KRT2: variants seen among roughly 807,000 people sequenced by gnomAD.
KRT2 encodes the protein keratin 2.
A neutral mutation model predicts 48.5 loss-of-function variants in KRT2; 37 were observed. The observed-to-expected ratio is 0.76, with a 90% CI of 0.59 to 1.00. KRT2 has a LOEUF of 1.00. Among genes scored for constraint, KRT2 ranks in the 50% least tolerant of loss-of-function variants. The pLI is 0.00. For missense variants in KRT2, 880 were observed against 815.2 expected, an observed-to-expected ratio of 1.08 and a Z score of -0.97; for synonymous variants, 324 against 312.2, an observed-to-expected ratio of 1.04 and a Z score of -0.40.
chr12:52,645,536 C>A lies in KRT2; in HGVS notation c.1503G>T (p.Val501=). The A allele has an allele frequency of 6.2e-7, 1 of 1,614,222 alleles. No individual in the cohort carries two copies. Among genetic ancestry groups the A allele is most frequent in the Non-Finnish European group, 8.5e-7 (1 of 1,180,034 alleles). Residue 501 remains valine, a splice_region_variant and synonymous_variant, in exon 8 of 9, where the codon GTG becomes GTT. Coordinates refer to ENST00000309680, the MANE Select transcript of KRT2 (RefSeq NM_000423.3). Reference sequence around the variant, plus strand: ...ACAGGACCACACCCCATTACTTACACACAGTCACATTGCTGCTGAGGTCTC... The same window carrying A: ...ACAGGACCACACCCCATTACTTACAAACAGTCACATTGCTGCTGAGGTCTC... ...MSGDLSSNVT[V]SVTSSTISSN... is the part of the protein sequence containing the mutation.
intron 4 of KRT2, among the ~76,000 whole-genome samples, chr12:52,648,638 A>G (rs1231788600): frequency 6.6e-6 from 1 of 152,138 alleles, no homozygotes; most frequent in Admixed American, 6.5e-5. Flanking sequence ...CCTGTTTCAG[A>G]AATCATCTGT....
rs1431961830 is a variant in KRT2, at chr12:52,647,829, C to T, written c.1149G>A (p.Gly383=). 6 of 1,614,052 alleles carry T rather than the reference C, an allele frequency of 3.7e-6. No individual in the cohort carries two copies. In the East Asian group the frequency reaches 1.1e-4, roughly 30 times the overall value. Residue 383 remains glycine (G), a synonymous_variant, in exon 6 of 9, where the codon GGG becomes GGA. Transcript: ENST00000309680. ...TCTCTTTCAGGCTGTCTCCATGTCT[C>T]CCGACAGTCACCTGGAGCTCCTCAT... is the stretch of plus-strand genomic sequence containing the variant. The part of the protein sequence containing the change: ...SKYEELQVTV[G]RHGDSLKEIK...
Position 52,648,257 on chromosome 12 carries a change from A to C in KRT2, c.1038T>G (p.Asp346Glu), listed in dbSNP as rs756544221. 1.9e-6 allele frequency: 3 copies of C among 1,613,916 alleles called. No individual in the cohort carries two copies. Among genetic ancestry groups the C allele is most frequent in the Non-Finnish European group, 2.5e-6 (3 of 1,179,972 alleles). The change falls in exon 5 of 9, where the codon GAT becomes GAG. Residue 346 changes from aspartate (D) to glutamate (E), a missense_variant. Coordinates refer to ENST00000309680, the MANE Select transcript of KRT2 (RefSeq NM_000423.3). ...GGGCCTTGACCTCGGCGATGATGCT[A>C]TCCAAGTCCAGGTTGCGGCTGTTGT... ...SMDNSRNLDL[D>E]SIIAEVKAQY...
At chr12:52,650,083 C>A in intron 2 of KRT2, 109 bp from the exon 3 acceptor site, 1 of 863,584 alleles carries the variant, frequency 1.2e-6, no homozygotes, top group Admixed American at 1.8e-5. Context: ...GAATATTACA[C>A]ACTTTTTAAA....
intron 4 of KRT2, 85 bp downstream of exon 4, chr12:52,648,922 C>T (rs1165034351): frequency 1.1e-6 from 1 of 900,568 alleles, no homozygotes; most frequent in African/African-American, 1.6e-5. Context: ...AACCCCACTT[C>T]TGCCACTTTT....
At position 52,646,967 on chromosome 12, in the gene KRT2, C is replaced by A. The variant is rs2232556; in HGVS notation, c.1249-7G>T. The stretch of plus-strand genomic sequence containing the variant: ...CATCTTGCACATTCTTACACTATGA[C>A]AGAAGGACAGAGAATGGATTCTGCC... On this transcript the variant is annotated splice_region_variant and splice_polypyrimidine_tract_variant and intron_variant, in intron 6 of 8. Transcript: ENST00000309680. 1,361 of 1,612,632 alleles carry A rather than the reference C, an allele frequency of 8.4e-4. 16 individuals carry two copies. The African/African-American group carries it at 0.016, about 19-fold the overall frequency.
chr12:52,650,330 G>T lies in KRT2; in HGVS notation c.800+9C>A. ...TTATCTCCACTCAGCGTTTCACTCT[G>T]CCACCTACTTCTTCTTATAATCCTC... On this transcript the variant is annotated intron_variant, in intron 2 of 8. Coordinates refer to ENST00000309680, the MANE Select transcript of KRT2 (RefSeq NM_000423.3). 1 of 1,609,738 alleles carries T rather than the reference G, an allele frequency of 6.2e-7. No individual in the cohort carries two copies. Among genetic ancestry groups the T allele is most frequent in the Non-Finnish European group, 8.5e-7 (1 of 1,176,088 alleles).
At chr12:52,650,641 C>G in intron 1 of KRT2, 88 bp from the exon 2 acceptor site, 1 of 1,051,286 alleles carries the variant, frequency 9.5e-7, no homozygotes, top group Non-Finnish European at 1.5e-6. Context: ...TCAGGTGCTG[C>G]TTCAGGACCT....
rs201344610 is a variant in KRT2 at position 52,650,550 on chromosome 12, G to A, written c.589C>T (p.Arg197Trp). The part of the protein sequence containing the change: ...NKFASFIDKV[R>W]FLEQQNQVLQ... Reference sequence around the variant, plus strand: ...ACCTGGTTCTGCTGCTCCAAGAACCGCACCTGCCATGACCAGAAGGAGAGC... The same window carrying A: ...ACCTGGTTCTGCTGCTCCAAGAACCACACCTGCCATGACCAGAAGGAGAGC... Residue 197 changes from arginine (R) to tryptophan (W), a missense_variant, in exon 2 of 9, where the codon CGG becomes TGG. Arg to Trp is a moderately radical substitution (Grantham distance 101). Transcript: ENST00000309680. 2.5e-5 allele frequency: 40 copies of A among 1,607,896 alleles called. No homozygotes were observed. Among genetic ancestry groups the A allele is most frequent in the Admixed American group, 8.4e-5 (5 of 59,684 alleles).
rs1351832130 is a variant in KRT2 at position 52,644,878 on chromosome 12, A to G, written c.*141T>C. On this transcript the variant is annotated 3_prime_UTR_variant, in exon 9 of 9. Coordinates refer to ENST00000309680, the MANE Select transcript of KRT2 (RefSeq NM_000423.3). ...AAGATCTTTCAAAAACTGTATGTGG[A>G]CATTCTTTTCCCTCAAAGTGCCATC... 1.4e-5 allele frequency: 12 copies of G among 837,408 alleles called. No homozygotes were observed. The highest frequency in any genetic ancestry group is 5.7e-6 in the Non-Finnish European group (3 of 521,772). 51.9% of individuals were successfully genotyped at this position (837,408 alleles called of 1,614,324 possible).
rs779146783 is a variant in KRT2, at chr12:52,647,781, C to A, written c.1197G>T (p.Leu399=). 1 of 1,614,076 alleles carries A rather than the reference C, an allele frequency of 6.2e-7. No individual in the cohort carries two copies. The highest frequency in any genetic ancestry group is 1.1e-5 in the South Asian group (1 of 91,022). The change falls in exon 6 of 9, where the codon CTG becomes CTT. Residue 399 remains leucine, a synonymous_variant. Coordinates refer to ENST00000309680, the MANE Select transcript of KRT2 (RefSeq NM_000423.3). ...CCTGCAGCCTCTGGATCACGCGGTT[C>A]AGCTCGCTGATCTCTATCTTGATCT... ...LKEIKIEISE[L]NRVIQRLQGE... is the part of the protein sequence containing the mutation.
In KRT2 at chr12:52,645,410, G is replaced by A; in HGVS notation, c.1529C>T (p.Ser510Leu). The change falls in exon 9 of 9, where the codon TCA (serine) becomes TTA (leucine). Residue 510 changes from serine (S) to leucine (L), a missense_variant. By Grantham distance (145) the Ser-to-Leu change is moderately radical (BLOSUM62 -2). Transcript: ENST00000309680. ...AAAGGCAGCCTTGGATGCCACATTT[G>A]ATGAAATGGTGCTGCTTGTCACAGC... is the stretch of plus-strand genomic sequence containing the variant. ...TVSVTSSTIS[S>L]NVASKAAFGG... is the part of the protein sequence containing the mutation. The A allele has an allele frequency of 6.2e-7, 1 of 1,614,210 alleles. No individual in the cohort carries two copies. Among genetic ancestry groups the A allele is most frequent in the Non-Finnish European group, 8.5e-7 (1 of 1,180,052 alleles).
intron 7 of KRT2, 51 bp from the exon 8 acceptor site, chr12:52,645,620 A>G (rs1941152963): frequency 6.3e-7 from 1 of 1,591,980 alleles, no homozygotes; most frequent in African/African-American, 1.3e-5. Context: ...TAGGTTCTGT[A>G]TGCATGTTGT....
At position 52,645,567 on chromosome 12, in the gene KRT2, A is replaced by ATCC; in HGVS notation, c.1470-1_1471dup (p.Arg490dup). On this transcript the variant is annotated inframe_insertion and splice_region_variant, in exon 8 of 9. Transcript: ENST00000309680. Reference sequence around the variant, plus strand: ...CACATTGCTGCTGAGGTCTCCAGACATCCTGTAAGGGAGAGAGAAAAAACA... The same window carrying ATCC: ...CACATTGCTGCTGAGGTCTCCAGACATCCTCCTGTAAGGGAGAGAGAAAAAACA... The ATCC allele has an allele frequency of 6.2e-7, 1 of 1,614,182 alleles. No individual in the cohort carries two copies. The highest frequency in any genetic ancestry group is 8.5e-7 in the Non-Finnish European group (1 of 1,180,000).
chr12:52,650,101 A>G, intron 2 of KRT2, 127 bp from the exon 3 acceptor site: 6 of 805,948 alleles, frequency 7.4e-6, no homozygotes, highest in East Asian at 2.6e-5. Context: ...AAATATCTAA[A>G]TTGAAACTAA....
Position 52,648,337 on chromosome 12 carries a change from C to A in KRT2, c.958G>T (p.Glu320Ter), listed in dbSNP as rs1299069357. 9.3e-6 allele frequency: 15 copies of A among 1,613,918 alleles called. No individual in the cohort carries two copies. Among genetic ancestry groups the A allele is most frequent in the Non-Finnish European group, 1.3e-5 (15 of 1,179,816 alleles). ...IEFLKVLYDA[E>*]ISQIHQSVTD... ...ACACTCTGATGTATCTGGGATATCT[C>A]CTACAACACACAGGAAGGTCTGGTC... The change falls in exon 5 of 9, where the codon GAG (glutamate) becomes TAG (stop). Residue 320 changes from glutamate (E) to a stop codon, truncating the protein, a stop_gained and splice_region_variant. Transcript: ENST00000309680. LOFTEE classifies it high-confidence loss of function.
intron 7 of KRT2, among the ~76,000 whole-genome samples, chr12:52,646,318 C>T (rs998447220): frequency 5.9e-5 from 9 of 152,302 alleles, no homozygotes; most frequent in East Asian, 1.9e-4. Context: ...GCACCTGCTC[C>T]GGTCAGCACG....
In KRT2 at chr12:52,650,541, C is replaced by G; in HGVS notation, c.598G>C (p.Glu200Gln). 6.2e-7 allele frequency: 1 copy of G among 1,612,018 alleles called. No individual in the cohort carries two copies. Among genetic ancestry groups the G allele is most frequent in the South Asian group, 1.1e-5 (1 of 90,984 alleles). The change falls in exon 2 of 9, where the codon GAG (glutamate) becomes CAG (glutamine). Residue 200 changes from glutamate to glutamine, a missense_variant. Coordinates refer to ENST00000309680, the MANE Select transcript of KRT2 (RefSeq NM_000423.3). Reference protein sequence around the residue: ...ASFIDKVRFLEQQNQVLQTKW... With the variant: ...ASFIDKVRFLQQQNQVLQTKW... The stretch of plus-strand genomic sequence containing the variant: ...GTCTGTAACACCTGGTTCTGCTGCT[C>G]CAAGAACCGCACCTGCCATGACCAG...
In KRT2 at chr12:52,645,309, G is replaced by A. The variant is rs571471637; in HGVS notation, c.1630C>T (p.Arg544Ter). Reference sequence around the variant, plus strand: ...CTACCGCCTCTGGAGCCAGACTGTCGGCCTCCAGAGCCATAACTGCTGCTT... The same window carrying A: ...CTACCGCCTCTGGAGCCAGACTGTCAGCCTCCAGAGCCATAACTGCTGCTT... ...SGSSSYGSGG[R>*]QSGSRGGSGG... The change falls in exon 9 of 9, where the codon CGA becomes TGA. Residue 544 changes from arginine to a stop codon, truncating the protein, a stop_gained. Transcript: ENST00000309680. LOFTEE classifies it low-confidence loss of function (END_TRUNC). 3.7e-5 allele frequency: 60 copies of A among 1,613,856 alleles called. No individual in the cohort carries two copies. The highest frequency in any genetic ancestry group is 4.7e-5 in the Non-Finnish European group (55 of 1,179,966).
Sources: gnomAD v4.1 joint callset for allele counts (sites outside exome capture counted in the v4.1 genomes callset) on GRCh38, gnomAD v4.1.1 for gene constraint, MANE v1.5 for transcripts, NCBI Gene and HGNC (gene_info 2026-07-23, HGNC 2026-07-21) for gene names.